WFS1: variants seen among roughly 807,000 people sequenced by gnomAD.
WFS1 encodes the protein wolframin.
Under a neutral mutation model 68.5 loss-of-function variants are expected in WFS1, and 90 were observed. The ratio of observed to expected loss-of-function variants is 1.31; its 90% CI spans 1.11 to 1.56. WFS1 has a LOEUF of 1.56. Ranked by LOEUF, WFS1 falls within the 40% of genes most tolerant of loss-of-function variation. WFS1 has a pLI of 0.00. For synonymous variants in WFS1, 860 were observed against 540.7 expected (o/e 1.59, Z -8.19); for missense variants, 1,767 against 1,232.6 (o/e 1.43, Z -6.49).
At chr4:6,292,048 C>T (rs1271600805) in intron 6 of WFS1, 51 bp downstream of exon 6, 1 of 1,522,204 alleles carries the variant, frequency 6.6e-7, no homozygotes, top group East Asian at 2.4e-5. Flanking sequence ...CCTGCACCTG[C>T]AGGGCGACCT....
chr4:6,288,740 C>T (rs1359668793), intron 3 of WFS1: 1 of 565,132 alleles, frequency 1.8e-6, no homozygotes, highest in Non-Finnish European at 3.2e-6. Flanking sequence ...CAGTACCAGT[C>T]GGAGCCCGTG....
chr4:6,285,823 G>A (rs1226552222), intron 2 of WFS1, among the ~76,000 whole-genome samples: 1 of 152,238 alleles, frequency 6.6e-6, no homozygotes, highest in Non-Finnish European at 1.5e-5. Flanking sequence ...TCAGTGTGGT[G>A]TTACTGGGAA....
intron 1 of WFS1, among the ~76,000 whole-genome samples, chr4:6,275,084 T>C (rs548513329): frequency 7.2e-5 from 11 of 152,208 alleles, no homozygotes; most frequent in East Asian, 1.9e-4. Context: ...CTCACGACAA[T>C]AGGACCTACC....
At chr4:6,282,025 C>A (rs899908922) in intron 2 of WFS1, among the ~76,000 whole-genome samples, 2 of 152,196 alleles carry the variant, frequency 1.3e-5, no homozygotes, top group Non-Finnish European at 2.9e-5. Context: ...TGGACGTGCT[C>A]GTTCTTGCCT....
chr4:6,295,759 A>G (rs1730622685), intron 7 of WFS1, among the ~76,000 whole-genome samples: 1 of 152,124 alleles, frequency 6.6e-6, no homozygotes, highest in African/African-American at 2.4e-5. Context: ...CGGCAGGAGG[A>G]AAGCGGGGAG....
chr4:6,277,392 T>C lies in WFS1; in HGVS notation c.-5-59T>C, dbSNP rs929102137. ...CTGCTTTTCTGTCTCCAGCAGACAC[T>C]AAGTGCCAGAGCGGGCTCTGCCGGT... is the stretch of plus-strand genomic sequence containing the variant. On this transcript the variant is annotated intron_variant, in intron 1 of 7. Coordinates refer to ENST00000226760, the MANE Select transcript of WFS1 (RefSeq NM_006005.3). 4.0e-6 allele frequency: 6 copies of C among 1,491,702 alleles called. No homozygotes were observed. In the African/African-American group the frequency reaches 8.3e-5, roughly 21 times the overall value. The allele number at this position is 1,491,702 out of a possible 1,614,324, so 92.4% of individuals were successfully genotyped here. A position where few individuals can be genotyped will look rare whatever the true frequency, so the allele number is the denominator to read the frequency against.
chr4:6,288,937 G>A, intron 3 of WFS1, 50 bp from the exon 4 acceptor site: 1 of 1,593,056 alleles, frequency 6.3e-7, no homozygotes, highest in Non-Finnish European at 8.5e-7. Context: ...GGGAGCATGG[G>A]GTGGGAGAGG....
chr4:6,277,726 C>T, intron 2 of WFS1, 39 bp downstream of exon 2: 1 of 1,547,272 alleles, frequency 6.5e-7, no homozygotes. Context: ...TGGGGATGTT[C>T]AGGGATAGCT....
In WFS1 at chr4:6,287,013, C is replaced by A; in HGVS notation, c.233-80C>A. The A allele has an allele frequency of 1.6e-6, 2 of 1,285,806 alleles. No individual in the cohort carries two copies. The highest frequency in any genetic ancestry group is 1.3e-5 in the South Asian group (1 of 78,484). The allele number at this position is 1,285,806 out of a possible 1,614,324, so 79.6% of individuals were successfully genotyped here. ...ACAAGCAGCAGCAGATCTGAAGACC[C>A]TCATGCCTTGTCCCCTCCATCCTGA... On this transcript the variant is annotated intron_variant, in intron 2 of 7. Coordinates refer to ENST00000226760, the MANE Select transcript of WFS1 (RefSeq NM_006005.3). The surrounding 1 kb of genome is among the most constrained non-coding windows in gnomAD (Gnocchi z 6.4).
chr4:6,286,979 T>C lies in WFS1; in HGVS notation c.233-114T>C, dbSNP rs1276033878. On this transcript the variant is annotated intron_variant, in intron 2 of 7. Coordinates refer to ENST00000226760, the MANE Select transcript of WFS1 (RefSeq NM_006005.3). ...GTCTCTCTGTACTCCTGGCCTGGAT[T>C]TGAAAGTGACAAGCAGCAGCAGATC... 9 of 954,436 alleles carry C rather than the reference T, an allele frequency of 9.4e-6. No homozygotes were observed. The Admixed American group carries it at 1.8e-4, about 19-fold the overall frequency. The allele number at this position is 954,436 out of a possible 1,614,324, so 59.1% of individuals were successfully genotyped here. A position where few individuals can be genotyped will look rare whatever the true frequency, so the allele number is the denominator to read the frequency against.
intron 7 of WFS1, among the ~76,000 whole-genome samples, chr4:6,298,917 T>TG (rs750579135): frequency 1.3e-4 from 20 of 152,192 alleles, no homozygotes; most frequent in Admixed American, 1.1e-3. Context: ...CCGGAGCTGA[T>TG]GGGGGGCTCC....
At chr4:6,274,326 C>T (rs951318499) in intron 1 of WFS1, among the ~76,000 whole-genome samples, 4 of 152,164 alleles carry the variant, frequency 2.6e-5, no homozygotes, top group South Asian at 4.2e-4. Flanking sequence ...GGATTACAGG[C>T]GTGAGCCACC....
At chr4:6,272,915 A>G (rs1729879459) in intron 1 of WFS1, among the ~76,000 whole-genome samples, 1 of 152,230 alleles carries the variant, frequency 6.6e-6, no homozygotes, top group African/African-American at 2.4e-5. Context: ...GCGTTGCACC[A>G]TATGGAGGGG....
intron 5 of WFS1, among the ~76,000 whole-genome samples, 197 bp from the exon 6 acceptor site, chr4:6,291,720 G>A (rs1730469455): frequency 6.6e-6 from 1 of 152,192 alleles, no homozygotes; most frequent in Admixed American, 6.5e-5. Flanking sequence ...GCTACGTGGT[G>A]CTGAGTCCAC....
chr4:6,300,725 A>C lies in WFS1; in HGVS notation c.930A>C (p.Ala310=), dbSNP rs115561278. 1 of 1,614,034 alleles carries C rather than the reference A, an allele frequency of 6.2e-7. No homozygotes were observed. Among genetic ancestry groups the C allele is most frequent in the Non-Finnish European group, 8.5e-7 (1 of 1,179,978 alleles). The change falls in exon 8 of 8, where the codon GCA becomes GCC. Residue 310 remains alanine (A), a synonymous_variant. Coordinates refer to ENST00000226760, the MANE Select transcript of WFS1 (RefSeq NM_006005.3). ...ACCTGATTGACATGGCCTCCAGGGC[A>C]GGCATGCACTGGCTGTCCACCATCA... is the stretch of plus-strand genomic sequence containing the variant. ...KEYLIDMASR[A]GMHWLSTIIP... is the part of the protein sequence containing the mutation.
Position 6,293,838 on chromosome 4 carries a change from C to T in WFS1, c.713-1203C>T, listed in dbSNP as rs6446480. On this transcript the variant is annotated intron_variant, in intron 6 of 7. Coordinates refer to ENST00000226760, the MANE Select transcript of WFS1 (RefSeq NM_006005.3). ...GTGACCACTCTCGTGTGTCAGACGCCGTCCTGAACCCGCAAGCCCCCAGCC... is the reference window on the plus strand; with the variant it reads ...GTGACCACTCTCGTGTGTCAGACGCTGTCCTGAACCCGCAAGCCCCCAGCC... Among the ~76,000 whole-genome samples, 96,158 of 152,052 alleles carry T rather than the reference C, an allele frequency of 0.63. 31,011 individuals carry two copies. Among genetic ancestry groups the T allele is most frequent in the East Asian group, 0.93 (4,815 of 5,172 alleles).
chr4:6,271,986 T>C (rs1414990852), intron 1 of WFS1, among the ~76,000 whole-genome samples: 1 of 152,102 alleles, frequency 6.6e-6, no homozygotes, highest in Non-Finnish European at 1.5e-5. Flanking sequence ...CTCTGCTGCC[T>C]CCTCTTCTGG....
chr4:6,295,057 G>C lies in WFS1; in HGVS notation c.729G>C (p.Ala243=), dbSNP rs753573411. ...LVSSESKNYI[A]LDDFVEITKK... is the part of the protein sequence containing the mutation. ...ATGCTTCAGCCAAGAACTACATCGCGCTGGATGACTTTGTGGAGATCACTA... is the reference window on the plus strand; with the variant it reads ...ATGCTTCAGCCAAGAACTACATCGCCCTGGATGACTTTGTGGAGATCACTA... Residue 243 remains alanine, a synonymous_variant, in exon 7 of 8, where the codon GCG becomes GCC. Coordinates refer to ENST00000226760, the MANE Select transcript of WFS1 (RefSeq NM_006005.3). 2 of 1,613,570 alleles carry C rather than the reference G, an allele frequency of 1.2e-6. No individual in the cohort carries two copies. Among genetic ancestry groups the C allele is most frequent in the South Asian group, 2.2e-5 (2 of 91,080 alleles).
intron 6 of WFS1, 109 bp downstream of exon 6, chr4:6,292,106 C>T: frequency 8.4e-7 from 1 of 1,194,888 alleles, no homozygotes. Flanking sequence ...TCACCCGTGC[C>T]TCCCAGCCTG....
Sources: allele counts gnomAD v4.1 joint callset (sites outside exome capture counted in the v4.1 genomes callset), GRCh38; gene constraint gnomAD v4.1.1; non-coding constraint Gnocchi (gnomAD v3.1); transcripts MANE v1.5; gene names NCBI Gene and HGNC (gene_info 2026-07-23, HGNC 2026-07-21).